Variants in NR1H2 observed in about 807,000 individuals in gnomAD.
NR1H2 encodes the protein nuclear receptor subfamily 1 group H member 2.
In NR1H2, 33 loss-of-function variants were observed where a neutral mutation model predicts 51.2. The ratio of observed to expected loss-of-function variants is 0.64; its 90% CI spans 0.49 to 0.86. NR1H2 has a LOEUF of 0.86. Ranked by LOEUF, NR1H2 falls within the 40% of genes least tolerant of loss-of-function variation. NR1H2 has a pLI of 0.00. For synonymous variants in NR1H2, 310 were observed against 264.3 expected (o/e 1.17, Z -1.68); for missense variants, 592 against 639.9 (o/e 0.93, Z 0.81).
intron 7 of NR1H2, among the ~76,000 whole-genome samples, 187 bp from the exon 8 acceptor site, chr19:50,379,593 C>T (rs1459724755): frequency 1.3e-5 from 2 of 152,110 alleles, no homozygotes; most frequent in African/African-American, 2.4e-5. Context: ...TGTGCGGAAG[C>T]CTGAAGTGGA....
At position 50,376,710 on chromosome 19, in the gene NR1H2, T is replaced by C. The variant is rs2037668964; in HGVS notation, c.-127-9T>C. 6.6e-6 allele frequency: 1 copy of C among 152,262 alleles called. No homozygotes were observed. The highest frequency in any genetic ancestry group is 6.5e-5 in the Admixed American group (1 of 15,284). 9.4% of individuals were successfully genotyped at this position (152,262 alleles called of 1,614,324 possible). A position where few individuals can be genotyped will look rare whatever the true frequency, so the allele number is the denominator to read the frequency against. ...CTCGGTAATTCGCGCCTCCCGCGGC[T>C]GTTTCCAGGGCAACAGGAGTAGTTC... On this transcript the variant is annotated splice_polypyrimidine_tract_variant and intron_variant, in intron 1 of 9. Transcript: ENST00000253727.
intron 2 of NR1H2, chr19:50,377,278 G>A (rs1316523147): frequency 9.0e-6 from 3 of 332,194 alleles, no homozygotes; most frequent in Non-Finnish European, 5.4e-6. Context: ...CATGGAGGCC[G>A]TGAAGGCAGA....
intron 7 of NR1H2, among the ~76,000 whole-genome samples, 183 bp downstream of exon 7, chr19:50,379,364 G>T (rs2037727766): frequency 6.6e-6 from 1 of 152,236 alleles, no homozygotes; most frequent in African/African-American, 2.4e-5. Context: ...GATCAGGCTA[G>T]AGGCGCTATT....
chr19:50,380,759 T>C (rs2037753032), intron 8 of NR1H2, among the ~76,000 whole-genome samples: 1 of 152,156 alleles, frequency 6.6e-6, no homozygotes, highest in Non-Finnish European at 1.5e-5. Flanking sequence ...CCCAGGCAGC[T>C]GGAGCACAAG....
chr19:50,378,095 C>T (rs375798159), intron 4 of NR1H2, 54 bp from the exon 5 acceptor site: 13 of 1,552,512 alleles, frequency 8.4e-6, no homozygotes, highest in Non-Finnish European at 1.1e-5. Context: ...GCCCATCTCT[C>T]TGGTTCCTGT....
chr19:50,381,181 T>C (rs1213658171), intron 8 of NR1H2, among the ~76,000 whole-genome samples: 1 of 152,222 alleles, frequency 6.6e-6, no homozygotes, highest in Admixed American at 6.5e-5. Context: ...GGGGACCAAC[T>C]GGTCCTAGTT....
rs554933062 is a variant in NR1H2 at position 50,378,983 on chromosome 19, C to G, written c.748-19C>G. On this transcript the variant is annotated intron_variant, in intron 6 of 9. Coordinates refer to ENST00000253727, the MANE Select transcript of NR1H2 (RefSeq NM_007121.7). ...GGCTCACAAAGACCTGGGAGTGACC[C>G]TGGTCTCCTGTGTCCCAGCCCTGGC... is the stretch of plus-strand genomic sequence containing the variant. 2 of 1,593,110 alleles carry G rather than the reference C, an allele frequency of 1.3e-6. No homozygotes were observed. The highest frequency in any genetic ancestry group is 2.3e-5 in the South Asian group (2 of 88,282).
chr19:50,381,087 G>T (rs754567838), intron 8 of NR1H2, among the ~76,000 whole-genome samples: 9 of 152,208 alleles, frequency 5.9e-5, no homozygotes, highest in Non-Finnish European at 1.3e-4. Context: ...CCCTGTTCCA[G>T]CCACTCTGGC....
chr19:50,377,070 G>A (rs376510895), intron 2 of NR1H2, among the ~76,000 whole-genome samples: 1,781 of 149,042 alleles, frequency 0.012, 23 homozygotes, highest in Non-Finnish European at 0.018. Flanking sequence ...AGGTTGTGGG[G>A]GTGAGGCTTG....
Position 50,377,866 on chromosome 19 carries a change from C to T in NR1H2, c.177C>T (p.Asp59=). 6.4e-7 allele frequency: 1 copy of T among 1,562,012 alleles called. No individual in the cohort carries two copies. The highest frequency in any genetic ancestry group is 8.6e-7 in the Non-Finnish European group (1 of 1,158,500). The change falls in exon 4 of 10, where the codon GAC becomes GAT. Residue 59 remains aspartate, a synonymous_variant. Transcript: ENST00000253727. ...TDEASSACST[D]WVIPDPEEEP... is the part of the protein sequence containing the mutation. ...AGGCCAGCTCAGCCTGCAGCACAGA[C>T]TGGGGTGAGACAGGGCCCTGGAGTT...
intron 9 of NR1H2, 53 bp from the exon 10 acceptor site, chr19:50,382,403 C>A: frequency 1.9e-6 from 3 of 1,539,080 alleles, no homozygotes; most frequent in South Asian, 1.2e-5. Flanking sequence ...GTGGGCCTCC[C>A]AAAGCCTGGC....
chr19:50,380,956 C>T (rs959018723), intron 8 of NR1H2, among the ~76,000 whole-genome samples: 11 of 152,324 alleles, frequency 7.2e-5, no homozygotes, highest in South Asian at 6.2e-4. Context: ...TTCCCTCCTC[C>T]GCTCAGAACC....
chr19:50,378,803 C>T lies in NR1H2; in HGVS notation c.747+7C>T, dbSNP rs761035929. The T allele has an allele frequency of 1.9e-6, 3 of 1,597,162 alleles. No individual in the cohort carries two copies. Among genetic ancestry groups the T allele is most frequent in the African/African-American group, 3.0e-5 (2 of 66,070 alleles). On this transcript the variant is annotated splice_region_variant and intron_variant, in intron 6 of 9. Transcript: ENST00000253727. Reference sequence around the variant, plus strand: ...CGACCAGCCCAAAGTCACGGTACTGCCCCCTCCACAACCTTGAGTGTGACG... The same window carrying T: ...CGACCAGCCCAAAGTCACGGTACTGTCCCCTCCACAACCTTGAGTGTGACG...
chr19:50,377,618 A>T lies in NR1H2; in HGVS notation c.13A>T (p.Thr5Ser), dbSNP rs1256716025. Residue 5 changes from threonine (T) to serine (S), a missense_variant, in exon 3 of 10, where the codon ACC becomes TCC. By Grantham distance (58) the Thr-to-Ser change is moderately conservative. Transcript: ENST00000253727. MSSP[T>S]TSSLDTPLPG... Reference sequence around the variant, plus strand: ...CCGTGACCCCACCATGTCCTCTCCTACCACGAGTTCCCTGGATACCCCCCT... The same window carrying T: ...CCGTGACCCCACCATGTCCTCTCCTTCCACGAGTTCCCTGGATACCCCCCT... 6.2e-7 allele frequency: 1 copy of T among 1,613,744 alleles called. No homozygotes were observed. Among genetic ancestry groups the T allele is most frequent in the Admixed American group, 1.7e-5 (1 of 59,990 alleles).
Position 50,377,881 on chromosome 19 carries a change from G to A in NR1H2, c.181+11G>A, listed in dbSNP as rs759246836. The A allele has an allele frequency of 1.3e-6, 2 of 1,534,984 alleles. No individual in the cohort carries two copies. The highest frequency in any genetic ancestry group is 1.7e-6 in the Non-Finnish European group (2 of 1,145,408). On this transcript the variant is annotated intron_variant, in intron 4 of 9. Coordinates refer to ENST00000253727, the MANE Select transcript of NR1H2 (RefSeq NM_007121.7). ...GCAGCACAGACTGGGGTGAGACAGG[G>A]CCCTGGAGTTGATGTGGGGGCTTGG...
rs770594692 is a variant in NR1H2, at chr19:50,382,554, C to T, written c.1335C>T (p.Asp445=). ...SEQVFALRLQ[D]KKLPPLLSEI... ...AGGTCTTCGCCTTGCGGCTCCAGGA[C>T]AAGAAGCTGCCGCCTCTGCTGTCGG... is the stretch of plus-strand genomic sequence containing the variant. Residue 445 remains aspartate, a synonymous_variant, in exon 10 of 10, where the codon GAC becomes GAT. Transcript: ENST00000253727. 1.2e-6 allele frequency: 2 copies of T among 1,606,330 alleles called. No homozygotes were observed. The highest frequency in any genetic ancestry group is 1.1e-5 in the South Asian group (1 of 90,806).
In NR1H2 at chr19:50,382,057, C is replaced by A; in HGVS notation, c.1119C>A (p.Ile373=). 1.3e-6 allele frequency: 2 copies of A among 1,559,376 alleles called. No homozygotes were observed. The highest frequency in any genetic ancestry group is 1.7e-6 in the Non-Finnish European group (2 of 1,151,732). ...GLDDAEYALL[I]AINIFSADRP... ...ACGACGCTGAGTACGCCCTGCTCATCGCCATCAACATCTTCTCGGCCGACC... is the reference window on the plus strand; with the variant it reads ...ACGACGCTGAGTACGCCCTGCTCATAGCCATCAACATCTTCTCGGCCGACC... The change falls in exon 9 of 10, where the codon ATC becomes ATA. Residue 373 remains isoleucine (I), a synonymous_variant. Coordinates refer to ENST00000253727, the MANE Select transcript of NR1H2 (RefSeq NM_007121.7).
chr19:50,383,196 G>C lies in NR1H2; in HGVS notation c.*594G>C, dbSNP rs1021476339. 1.3e-5 allele frequency among the ~76,000 whole-genome samples: 2 copies of C among 152,162 alleles called. No homozygotes were observed. Among genetic ancestry groups the C allele is most frequent in the African/African-American group, 4.8e-5 (2 of 41,438 alleles). Reference sequence around the variant, plus strand: ...GTGAAAGTTCAGGACAGAGGCCTCAGCCTCAGGGTCACCTCCCTGGACAAG... The same window carrying C: ...GTGAAAGTTCAGGACAGAGGCCTCACCCTCAGGGTCACCTCCCTGGACAAG... On this transcript the variant is annotated 3_prime_UTR_variant, in exon 10 of 10. Coordinates refer to ENST00000253727, the MANE Select transcript of NR1H2 (RefSeq NM_007121.7).
In NR1H2 at chr19:50,382,233, G is replaced by C. The variant is rs578252425; in HGVS notation, c.1236+59G>C. ...CTACGTCCCGCGGCCCACGTGGTCC[G>C]TTCAGGCTGGGTTCTGCCAGCCACA... On this transcript the variant is annotated intron_variant, in intron 9 of 9. Coordinates refer to ENST00000253727, the MANE Select transcript of NR1H2 (RefSeq NM_007121.7). 12 of 1,449,162 alleles carry C rather than the reference G, an allele frequency of 8.3e-6. No homozygotes were observed. The East Asian group carries it at 2.0e-4, about 24-fold the overall frequency. The allele number at this position is 1,449,162 out of a possible 1,614,324, so 89.8% of individuals were successfully genotyped here. A position where few individuals can be genotyped will look rare whatever the true frequency, so the allele number is the denominator to read the frequency against.
Sources: gnomAD v4.1 joint callset for allele counts (sites outside exome capture counted in the v4.1 genomes callset) on GRCh38, gnomAD v4.1.1 for gene constraint, MANE v1.5 for transcripts, NCBI Gene and HGNC (gene_info 2026-07-23, HGNC 2026-07-21) for gene names.